CHL1: variants seen among roughly 807,000 people sequenced by gnomAD.
CHL1 encodes cell adhesion molecule L1 like.
Under a neutral mutation model 141.9 loss-of-function variants are expected in CHL1, and 96 were observed. The observed-to-expected ratio is 0.68, with a 90% CI of 0.57 to 0.80. The LOEUF (loss-of-function observed/expected upper bound fraction) is 0.80. Among genes scored for constraint, CHL1 ranks in the 30% least tolerant of loss-of-function variants. The probability of loss-of-function intolerance (pLI) is 0.00; values close to 1 mark genes in which losing one functional copy is unlikely to be tolerated. For missense variants in CHL1, 1,820 were observed against 1,457.2 expected, an observed-to-expected ratio of 1.25 and a Z score of -4.05; for synonymous variants, 613 against 502.2, an observed-to-expected ratio of 1.22 and a Z score of -2.95.
At chr3:389,829 C>T (rs527917650) in intron 20 of CHL1, among the ~76,000 whole-genome samples, 1 of 152,286 alleles carries the variant, frequency 6.6e-6, no homozygotes, top group East Asian at 1.9e-4. Context: ...TGTCAAGGAT[C>T]CCCTAAGAGC....
chr3:227,323 T>C (rs1701444208), intron 1 of CHL1, among the ~76,000 whole-genome samples: 1 of 152,210 alleles, frequency 6.6e-6, no homozygotes, highest in South Asian at 2.1e-4. Context: ...AGTTGGGGTC[T>C]AGAATACAAA....
In CHL1 at chr3:326,003, G is replaced by A. The variant is rs1484211571; in HGVS notation, c.136G>A (p.Ala46Thr). ...TIIKQSKVQV[A>T]FPFDEYFQIE... ...CATAAAACAGTCAAAAGTCCAAGTT[G>A]CCTTTCCCTTCGATGAGTATTTTCA... Residue 46 changes from alanine to threonine, a missense_variant, in exon 4 of 28, where the codon GCC becomes ACC. Ala to Thr is a moderately conservative substitution (Grantham distance 58, BLOSUM62 0). Transcript: ENST00000256509. 1 of 1,611,812 alleles carries A rather than the reference G, an allele frequency of 6.2e-7. No individual in the cohort carries two copies. The highest frequency in any genetic ancestry group is 1.1e-5 in the South Asian group (1 of 90,936).
rs367700479 is a variant in CHL1, at chr3:281,036, T to G, written c.-95+36344T>G. On this transcript the variant is annotated intron_variant, in intron 2 of 27. Coordinates refer to ENST00000256509, the MANE Select transcript of CHL1 (RefSeq NM_006614.4). ...GGTTATTTTTTTCCCCTAGGGGACATCTGACAATGTCTAGATACATTTTTT... is the reference window on the plus strand; with the variant it reads ...GGTTATTTTTTTCCCCTAGGGGACAGCTGACAATGTCTAGATACATTTTTT... Among the ~76,000 whole-genome samples the G allele has an allele frequency of 7.0e-4, 107 of 152,216 alleles. 1 individual carries two copies. The South Asian group carries it at 0.012, about 17-fold the overall frequency.
chr3:197,731 C>G (rs1698482127), intron 1 of CHL1: 3 of 452,040 alleles, frequency 6.6e-6, no homozygotes, highest in South Asian at 1.6e-5. Context: ...GGCTAGAGCT[C>G]CACCTCCCCA....
intron 5 of CHL1, among the ~76,000 whole-genome samples, chr3:338,206 A>G (rs1217333206): frequency 6.6e-6 from 1 of 152,218 alleles, no homozygotes; most frequent in Non-Finnish European, 1.5e-5. Context: ...GAGGCCATTC[A>G]GGATCAAGTC....
At chr3:384,053 T>G (rs1707376222) in intron 19 of CHL1, among the ~76,000 whole-genome samples, 167 bp downstream of exon 19, 1 of 152,212 alleles carries the variant, frequency 6.6e-6, no homozygotes, top group Admixed American at 6.5e-5. Flanking sequence ...TCATTGTGAT[T>G]AAAATGATGT....
chr3:304,312 A>T (rs1480633805), intron 2 of CHL1, among the ~76,000 whole-genome samples: 1 of 152,170 alleles, frequency 6.6e-6, no homozygotes, highest in Non-Finnish European at 1.5e-5. Context: ...TTTCAGAAGG[A>T]ATGGTACCAG....
At chr3:396,982 T>C (rs1708729118) in intron 24 of CHL1, among the ~76,000 whole-genome samples, 1 of 152,196 alleles carries the variant, frequency 6.6e-6, no homozygotes, top group South Asian at 2.1e-4. Flanking sequence ...TATAGCTCAT[T>C]TCAAGGTCAT....
intron 2 of CHL1, among the ~76,000 whole-genome samples, chr3:252,053 C>G (rs552298850): frequency 6.6e-6 from 1 of 152,084 alleles, no homozygotes; most frequent in African/African-American, 2.4e-5. Flanking sequence ...CCAACCACCA[C>G]AAACTTAGAG....
At chr3:246,447 T>C (rs1019479965) in intron 2 of CHL1, 5 of 152,074 alleles carry the variant, frequency 3.3e-5, no homozygotes, top group Admixed American at 6.6e-5. Flanking sequence ...TCAGTTTTCA[T>C]TGTGCTAGGG....
chr3:324,456 A>G (rs150813566), intron 3 of CHL1, among the ~76,000 whole-genome samples: 1 of 152,104 alleles, frequency 6.6e-6, no homozygotes. Flanking sequence ...GCTCATCAGC[A>G]GTAGATCTTT....
chr3:292,089 T>G (rs1044684898), intron 2 of CHL1, among the ~76,000 whole-genome samples: 2 of 152,244 alleles, frequency 1.3e-5, no homozygotes, highest in Non-Finnish European at 2.9e-5. Context: ...TGTCTTGTTC[T>G]TTGCTGCTCT....
intron 2 of CHL1, among the ~76,000 whole-genome samples, chr3:280,695 C>A (rs992898605): frequency 6.6e-6 from 1 of 152,040 alleles, no homozygotes; most frequent in Non-Finnish European, 1.5e-5. Flanking sequence ...CTACCACCAA[C>A]AAAATACCTT....
chr3:348,122 G>A lies in CHL1; in HGVS notation c.849-1237G>A, dbSNP rs188262666. On this transcript the variant is annotated intron_variant, in intron 9 of 27. Coordinates refer to ENST00000256509, the MANE Select transcript of CHL1 (RefSeq NM_006614.4). ...GAAGCATATATTCTAAGACTATAGA[G>A]TTAGGAAGGACATAGGTTGAAAAGC... Among the ~76,000 whole-genome samples the A allele has an allele frequency of 6.6e-5, 10 of 152,250 alleles. No homozygotes were observed. In the East Asian group the frequency reaches 1.9e-3, roughly 29 times the overall value.
chr3:278,850 TTAGACA>T (rs1167390417), intron 2 of CHL1, among the ~76,000 whole-genome samples: 1 of 152,204 alleles, frequency 6.6e-6, no homozygotes, highest in Non-Finnish European at 1.5e-5. Flanking sequence ...TCTGTCAAAC[TTAGACA>T]TAGAGCAAGA....
chr3:245,895 C>G (rs1250449424), intron 2 of CHL1, among the ~76,000 whole-genome samples: 2 of 152,120 alleles, frequency 1.3e-5, no homozygotes, highest in Non-Finnish European at 2.9e-5. Flanking sequence ...TTGCCCTCCA[C>G]TATTTTTAGA....
intron 2 of CHL1, among the ~76,000 whole-genome samples, chr3:317,699 T>C (rs1700250754): frequency 6.6e-6 from 1 of 150,650 alleles, no homozygotes; most frequent in African/African-American, 2.4e-5. Context: ...GGGCAGGGCA[T>C]TGATATTTTC....
chr3:206,849 T>C (rs982035543), intron 1 of CHL1, among the ~76,000 whole-genome samples: 2 of 152,264 alleles, frequency 1.3e-5, no homozygotes, highest in Non-Finnish European at 2.9e-5. Context: ...ATGATATGAA[T>C]ACGCATGGAT....
chr3:383,671 C>T (rs1301049948), intron 18 of CHL1, 145 bp from the exon 19 acceptor site: 2 of 504,366 alleles, frequency 4.0e-6, no homozygotes, highest in Non-Finnish European at 3.6e-6. Flanking sequence ...TACCTTAAAT[C>T]TTTTTAGGAA....
Sources: allele counts gnomAD v4.1 joint callset (sites outside exome capture counted in the v4.1 genomes callset), GRCh38; gene constraint gnomAD v4.1.1; transcripts MANE v1.5; gene names NCBI Gene and HGNC (gene_info 2026-07-23, HGNC 2026-07-21).